The following ANK3 variants were observed in gnomAD, a reference collection of about 807,000 sequenced individuals.
The protein encoded by ANK3 is ankyrin-3.
A neutral mutation model predicts 370.9 loss-of-function variants in ANK3; 57 were observed. That is an observed-to-expected ratio of 0.15 (90% CI 0.12 to 0.19). The LOEUF (loss-of-function observed/expected upper bound fraction) is 0.19. Among genes scored for constraint, ANK3 ranks in the 10% least tolerant of loss-of-function variants. The pLI is 1.00. For missense variants in ANK3, 4,439 were observed against 5,302.1 expected, an observed-to-expected ratio of 0.84 and a Z score of 5.06; for synonymous variants, 1,929 against 1,946.3, an observed-to-expected ratio of 0.99 and a Z score of 0.23.
At position 60,619,185 on chromosome 10, in the gene ANK3, C is replaced by A. The variant is rs550623336; in HGVS notation, c.58-3961G>T. Among the ~76,000 whole-genome samples the A allele has an allele frequency of 2.8e-4, 43 of 152,108 alleles. No individual in the cohort carries two copies. In the South Asian group the frequency reaches 8.5e-3, roughly 30 times the overall value. On this transcript the variant is annotated intron_variant, in intron 1 of 43. Transcript: ENST00000373827. Reference sequence around the variant, plus strand: ...TAGATCCTACCCTCTTTTCCTTCCCCATGCCCAGGCCCACTCCCAAAGAGT... The same window carrying A: ...TAGATCCTACCCTCTTTTCCTTCCCAATGCCCAGGCCCACTCCCAAAGAGT...
At chr10:60,160,402 A>C (rs1409263506) in intron 23 of ANK3, among the ~76,000 whole-genome samples, 1 of 152,120 alleles carries the variant, frequency 6.6e-6, no homozygotes, top group Non-Finnish European at 1.5e-5. Flanking sequence ...ACAAGATATA[A>C]GTAGTAATAA....
At chr10:60,234,285 T>A (rs1449974320) in intron 8 of ANK3, among the ~76,000 whole-genome samples, 1 of 152,144 alleles carries the variant, frequency 6.6e-6, no homozygotes, top group East Asian at 1.9e-4. Context: ...TATTTTTAAT[T>A]TTTTTTGAGG....
chr10:60,345,591 T>A (rs1239299383), intron 1 of ANK3, among the ~76,000 whole-genome samples: 1 of 152,170 alleles, frequency 6.6e-6, no homozygotes, highest in East Asian at 1.9e-4. Context: ...CTTATCTGGA[T>A]GAACTATGTT....
chr10:60,033,446 C>T (rs944401101), intron 43 of ANK3, among the ~76,000 whole-genome samples: 3 of 125,982 alleles, frequency 2.4e-5, no homozygotes, highest in Non-Finnish European at 4.7e-5. Flanking sequence ...ACCCAGGAGG[C>T]GGAGGTTGCA....
intron 1 of ANK3, among the ~76,000 whole-genome samples, chr10:60,707,548 C>T (rs1308613328): frequency 6.6e-6 from 1 of 151,750 alleles, no homozygotes; most frequent in African/African-American, 2.4e-5. Context: ...TTTCCTGAAA[C>T]TCCACAAAAT....
chr10:60,644,890 T>TAAAAAAAA (rs10686327), intron 1 of ANK3, among the ~76,000 whole-genome samples: 2 of 125,958 alleles, frequency 1.6e-5, no homozygotes, highest in Non-Finnish European at 3.2e-5. Context: ...AGTTTTAGTT[T>TAAAAAAAA]AAAAAAAAAA....
intron 1 of ANK3, among the ~76,000 whole-genome samples, chr10:60,367,292 A>T (rs763772238): frequency 3.9e-5 from 6 of 152,204 alleles, no homozygotes; most frequent in Non-Finnish European, 8.8e-5. Context: ...TTTTCATCAG[A>T]CTGCCTTTAT....
chr10:60,633,070 C>G (rs1471250813), intron 1 of ANK3, among the ~76,000 whole-genome samples: 1 of 151,982 alleles, frequency 6.6e-6, no homozygotes, highest in Non-Finnish European at 1.5e-5. Context: ...TTGATAAATT[C>G]AAATAAAAGT....
At chr10:60,264,748 G>A (rs2097854097) in intron 5 of ANK3, among the ~76,000 whole-genome samples, 1 of 152,064 alleles carries the variant, frequency 6.6e-6, no homozygotes, top group Admixed American at 6.6e-5. Flanking sequence ...TGAGATGTAT[G>A]TCTGTCTGGT....
At chr10:60,436,790 A>G (rs1158475732) in intron 2 of ANK3, among the ~76,000 whole-genome samples, 1 of 152,268 alleles carries the variant, frequency 6.6e-6, no homozygotes, top group Non-Finnish European at 1.5e-5. Flanking sequence ...CTTGAAGCAC[A>G]AAAGCTTTTT....
At chr10:60,302,204 C>T (rs2132808031) in intron 1 of ANK3, among the ~76,000 whole-genome samples, 1 of 152,060 alleles carries the variant, frequency 6.6e-6, no homozygotes. Flanking sequence ...GTGATAAATA[C>T]TATGGGAATA....
In ANK3 at chr10:60,084,884, C is replaced by A. The variant is rs192400781; in HGVS notation, c.3846-54G>T. 6.6e-5 allele frequency: 84 copies of A among 1,270,838 alleles called. No homozygotes were observed. The East Asian group carries it at 1.9e-3, about 29-fold the overall frequency. 78.7% of individuals were successfully genotyped at this position (1,270,838 alleles called of 1,614,324 possible). A position where few individuals can be genotyped will look rare whatever the true frequency, so the allele number is the denominator to read the frequency against. On this transcript the variant is annotated intron_variant, in intron 31 of 43. Coordinates refer to ENST00000280772, the MANE Select transcript of ANK3 (RefSeq NM_020987.5). ...AAATGTGGCTATTTAAAAGCCAAAT[C>A]TTAAAAAGACTCACAATTAAAAAAA... is the stretch of plus-strand genomic sequence containing the variant.
In ANK3 at chr10:60,070,447, G is replaced by A; in HGVS notation, c.10434C>T (p.Asp3478=). The change falls in exon 37 of 44, where the codon GAC becomes GAT. Residue 3478 remains aspartate (D), a synonymous_variant. Coordinates refer to ENST00000280772, the MANE Select transcript of ANK3 (RefSeq NM_020987.5). This position sits in a 1 kb window ranked among gnomAD's most constrained non-coding sequence, Gnocchi z 5.7. ...ATGAAGAACTTTTAGAAGGTGGCTT[G>A]TCCTCATCTGGTCCCACCTTTCCCT... ...EEEGKVGPDE[D]KPPSKSSSSE... 1 of 1,614,110 alleles carries A rather than the reference G, an allele frequency of 6.2e-7. No individual in the cohort carries two copies. Among genetic ancestry groups the A allele is most frequent in the Non-Finnish European group, 8.5e-7 (1 of 1,180,008 alleles).
intron 25 of ANK3, among the ~76,000 whole-genome samples, chr10:60,124,324 G>A (rs1197183258): frequency 6.8e-6 from 1 of 147,296 alleles, no homozygotes; most frequent in Admixed American, 6.9e-5. Context: ...ACCACGCCCA[G>A]CTGATTTTAT....
chr10:60,073,296 T>C lies in ANK3; in HGVS notation c.7585A>G (p.Lys2529Glu), dbSNP rs1459971830. Residue 2529 changes from lysine to glutamate, a missense_variant, in exon 37 of 44, where the codon AAA (lysine) becomes GAA (glutamate). By Grantham distance (56) the Lys-to-Glu change is moderately conservative. Around this residue, in one of 13 missense-constraint regions of ANK3, gnomAD observed 1,601 missense variants for 1,731.7 expected, o/e 0.92. Coordinates refer to ENST00000280772, the MANE Select transcript of ANK3 (RefSeq NM_020987.5). ...YKDVSENGVG[K>E]VSKDEHFDKV... ...TCAAAATGCTCATCTTTAGACACTT[T>C]ACCTACACCATTTTCAGAAACATCT... 1.2e-6 allele frequency: 2 copies of C among 1,613,972 alleles called. No homozygotes were observed. Among genetic ancestry groups the C allele is most frequent in the Non-Finnish European group, 8.5e-7 (1 of 1,180,032 alleles).
intron 1 of ANK3, among the ~76,000 whole-genome samples, 189 bp downstream of exon 1, chr10:60,389,236 G>A (rs980900983): frequency 2.6e-5 from 4 of 152,006 alleles, no homozygotes; most frequent in African/African-American, 7.2e-5. Context: ...GGAGAAAACC[G>A]TCCCTCTTGC....
At chr10:60,486,843 G>T (rs1488823058) in intron 2 of ANK3, among the ~76,000 whole-genome samples, 1 of 152,092 alleles carries the variant, frequency 6.6e-6, no homozygotes, top group Non-Finnish European at 1.5e-5. Flanking sequence ...CCAATTTTCT[G>T]TAGTATATAC....
intron 2 of ANK3, among the ~76,000 whole-genome samples, chr10:60,528,567 C>T (rs1213634561): frequency 6.6e-6 from 1 of 152,164 alleles, no homozygotes; most frequent in Non-Finnish European, 1.5e-5. Flanking sequence ...TTATACGGCT[C>T]AGCCTAATAT....
intron 2 of ANK3, among the ~76,000 whole-genome samples, chr10:60,519,151 A>G (rs2076292361): frequency 6.6e-6 from 1 of 152,166 alleles, no homozygotes; most frequent in African/African-American, 2.4e-5. Context: ...TATGGAGCTG[A>G]GAGGAGCCCC....
Sources: allele counts gnomAD v4.1 joint callset (sites outside exome capture counted in the v4.1 genomes callset), GRCh38; gene constraint gnomAD v4.1.1; regional missense constraint gnomAD v4.1.1; non-coding constraint Gnocchi (gnomAD v3.1); transcripts MANE v1.5; gene names NCBI Gene and HGNC (gene_info 2026-07-23, HGNC 2026-07-21).